Variants in JAK2 observed in about 807,000 individuals in gnomAD.
The protein encoded by JAK2 is tyrosine-protein kinase JAK2.
In JAK2, 86 loss-of-function variants were observed where a neutral mutation model predicts 139.3. That is an observed-to-expected ratio of 0.62 (90% CI 0.52 to 0.74). JAK2 has a LOEUF of 0.74. JAK2 is among the 30% of genes least tolerant of loss of function. JAK2 has a pLI of 0.00. For synonymous variants in JAK2, 490 were observed against 437.7 expected, an observed-to-expected ratio of 1.12 and a Z score of -1.49; for missense variants, 1,421 against 1,360.3, an observed-to-expected ratio of 1.04 and a Z score of -0.70.
At chr9:5,042,094 A>G (rs1219169136) in intron 4 of JAK2, among the ~76,000 whole-genome samples, 1 of 147,382 alleles carries the variant, frequency 6.8e-6, no homozygotes, top group African/African-American at 2.5e-5. Flanking sequence ...ACGAGGGGTC[A>G]CTTCCTTCAC....
At chr9:5,016,097 C>T (rs1011015953) in intron 2 of JAK2, among the ~76,000 whole-genome samples, 3 of 150,122 alleles carry the variant, frequency 2.0e-5, no homozygotes, top group African/African-American at 5.1e-5. Flanking sequence ...TACTGCCAGC[C>T]GTCGCTTCCC....
chr9:5,068,597 G>A (rs557527457), intron 10 of JAK2, among the ~76,000 whole-genome samples: 5 of 152,324 alleles, frequency 3.3e-5, no homozygotes, highest in African/African-American at 7.2e-5. Flanking sequence ...CATGGCATTT[G>A]CTTGAAATGA....
intron 2 of JAK2, among the ~76,000 whole-genome samples, chr9:4,998,394 T>G (rs1277809565): frequency 6.6e-6 from 1 of 152,036 alleles, no homozygotes; most frequent in Non-Finnish European, 1.5e-5. Context: ...GTAACTGGGA[T>G]TATAGGCGCG....
Position 5,054,789 on chromosome 9 carries a change from G to A in JAK2, c.841G>A (p.Gly281Ser), listed in dbSNP as rs2130410995. ...EVKEPGSGPS[G>S]EEIFATIIIT... ...AAAAGAACCTGGAAGTGGTCCTTCA[G>A]GTGAGGAGATTTTTGCAACCATTAT... The change falls in exon 7 of 25, where the codon GGT becomes AGT. Residue 281 changes from glycine to serine, a missense_variant. Coordinates refer to ENST00000381652, the MANE Select transcript of JAK2 (RefSeq NM_004972.4). The surrounding 1 kb of genome is among the most constrained non-coding windows in gnomAD (Gnocchi z 4.9). 1 of 1,613,122 alleles carries A rather than the reference G, an allele frequency of 6.2e-7. No homozygotes were observed. Among genetic ancestry groups the A allele is most frequent in the Non-Finnish European group, 8.5e-7 (1 of 1,179,324 alleles).
chr9:5,066,645 A>G (rs1229275959), intron 9 of JAK2, 33 bp from the exon 10 acceptor site: 1 of 1,154,258 alleles, frequency 8.7e-7, no homozygotes, highest in South Asian at 1.2e-5. Context: ...GGTGCTTGAT[A>G]TATTATTCAA....
At chr9:5,035,915 T>C (rs1251747993) in intron 4 of JAK2, among the ~76,000 whole-genome samples, 2 of 152,102 alleles carry the variant, frequency 1.3e-5, no homozygotes, top group East Asian at 1.9e-4. Flanking sequence ...AAAGGTTATT[T>C]GATTAGGAAA....
At chr9:5,110,591 C>T (rs1324833054) in intron 22 of JAK2, 1 of 181,600 alleles carries the variant, frequency 5.5e-6, no homozygotes, top group Non-Finnish European at 1.1e-5. Context: ...TTATTGGTAG[C>T]CTTGCACTTA....
chr9:5,052,139 A>G (rs577600166), intron 6 of JAK2, among the ~76,000 whole-genome samples: 3 of 152,220 alleles, frequency 2.0e-5, no homozygotes, highest in South Asian at 4.2e-4. Context: ...TTGAAGATGA[A>G]TGTTATAAAT....
intron 22 of JAK2, chr9:5,112,919 G>A (rs369760798): frequency 3.7e-6 from 1 of 267,732 alleles, no homozygotes. Flanking sequence ...GCCCACTTGA[G>A]GCCCTGGGCT....
chr9:5,070,006 T>G lies in JAK2; in HGVS notation c.1595T>G (p.Met532Arg), dbSNP rs776926630. 1 of 1,608,976 alleles carries G rather than the reference T, an allele frequency of 6.2e-7. No individual in the cohort carries two copies. The highest frequency in any genetic ancestry group is 1.1e-5 in the South Asian group (1 of 90,532). ...CCAACATTACAGAGGCCTACTCATA[T>G]GAACCAAATGGTGTTTCACAAAATC... is the stretch of plus-strand genomic sequence containing the variant. ...TSPTLQRPTH[M>R]NQMVFHKIRN... Residue 532 changes from methionine to arginine, a missense_variant, in exon 12 of 25, where the codon ATG (methionine) becomes AGG (arginine). Physicochemically the swap from Met to Arg is moderately conservative, Grantham distance 91. Coordinates refer to ENST00000381652, the MANE Select transcript of JAK2 (RefSeq NM_004972.4).
intron 22 of JAK2, among the ~76,000 whole-genome samples, chr9:5,106,141 A>G (rs1297782433): frequency 6.6e-6 from 1 of 152,216 alleles, no homozygotes; most frequent in Non-Finnish European, 1.5e-5. Flanking sequence ...GAATGGGAGA[A>G]AATTTTTGCA....
intron 23 of JAK2, among the ~76,000 whole-genome samples, chr9:5,124,548 G>GA (rs1823850324): frequency 1.3e-5 from 2 of 151,634 alleles, no homozygotes; most frequent in South Asian, 4.2e-4. Flanking sequence ...CACAGAATTA[G>GA]AAAAAACAAT....
intron 22 of JAK2, among the ~76,000 whole-genome samples, chr9:5,120,263 T>C (rs917040512): frequency 2.0e-5 from 3 of 152,230 alleles, no homozygotes; most frequent in Non-Finnish European, 4.4e-5. Flanking sequence ...ATCCTATTCA[T>C]GAGGGAGAAG....
rs1175076818 is a variant in JAK2 at position 5,111,087 on chromosome 9, G to C, written c.3060-11917G>C. Reference sequence around the variant, plus strand: ...AGAACTGGCCCAGCTCAGGCTCCTGGGGCAGCGGCGACCAGAACAGCTCCT... The same window carrying C: ...AGAACTGGCCCAGCTCAGGCTCCTGCGGCAGCGGCGACCAGAACAGCTCCT... On this transcript the variant is annotated intron_variant, in intron 22 of 24. Transcript: ENST00000381652. 3 of 1,226,130 alleles carry C rather than the reference G, an allele frequency of 2.4e-6. No individual in the cohort carries two copies. The African/African-American group carries it at 4.5e-5, about 18-fold the overall frequency. 76.0% of individuals were successfully genotyped at this position (1,226,130 alleles called of 1,614,324 possible).
At chr9:5,044,043 T>G (rs1816816757) in intron 4 of JAK2, among the ~76,000 whole-genome samples, 1 of 152,246 alleles carries the variant, frequency 6.6e-6, no homozygotes, top group Non-Finnish European at 1.5e-5. Context: ...TTTCTCCAAA[T>G]AAGCAATTAT....
At chr9:4,996,813 T>G (rs547655364) in intron 2 of JAK2, among the ~76,000 whole-genome samples, 5 of 152,254 alleles carry the variant, frequency 3.3e-5, no homozygotes, top group African/African-American at 1.2e-4. Flanking sequence ...ATACCTCCAT[T>G]GTAGTAAGTT....
At chr9:5,052,710 C>G (rs765879186) in intron 6 of JAK2, among the ~76,000 whole-genome samples, 1 of 152,038 alleles carries the variant, frequency 6.6e-6, no homozygotes, top group Non-Finnish European at 1.5e-5. Context: ...TTTCCTGTCT[C>G]AAACATTTCA....
At chr9:5,048,571 T>C (rs1409397856) in intron 5 of JAK2, among the ~76,000 whole-genome samples, 5 of 152,174 alleles carry the variant, frequency 3.3e-5, no homozygotes, top group African/African-American at 1.2e-4. Context: ...GTGTTTAAAA[T>C]TGAGCAAAAA....
intron 8 of JAK2, among the ~76,000 whole-genome samples, chr9:5,061,207 G>A (rs1178263378): frequency 3.3e-5 from 5 of 152,208 alleles, no homozygotes; most frequent in Non-Finnish European, 4.4e-5. Flanking sequence ...GTAAATGAGC[G>A]CTGGTTTGAA....
Sources: allele counts gnomAD v4.1 joint callset (sites outside exome capture counted in the v4.1 genomes callset), GRCh38; gene constraint gnomAD v4.1.1; non-coding constraint Gnocchi (gnomAD v3.1); transcripts MANE v1.5; gene names NCBI Gene and HGNC (gene_info 2026-07-23, HGNC 2026-07-21).